The following USP37 variants were observed in gnomAD, a reference collection of about 807,000 sequenced individuals.
USP37 encodes ubiquitin specific peptidase 37.
In USP37, 27 loss-of-function variants were observed where a neutral mutation model predicts 124.0. The ratio of observed to expected loss-of-function variants is 0.22; its 90% CI spans 0.16 to 0.30. The LOEUF is 0.30. USP37 is among the 10% of genes least tolerant of loss of function. The pLI is 1.00. For synonymous variants in USP37, 365 were observed against 388.0 expected (o/e 0.94, Z 0.70); for missense variants, 889 against 1,140.4 (o/e 0.78, Z 3.17).
intron 10 of USP37, chr2:218,528,842 G>C (rs1469541613): frequency 9.5e-5 from 8 of 84,536 alleles, no homozygotes; most frequent in Non-Finnish European, 1.4e-4. Flanking sequence ...AAAAAAAAAA[G>C]AGCTTATCTA....
At chr2:218,542,190 T>C (rs1692015156) in intron 8 of USP37, among the ~76,000 whole-genome samples, 2 of 152,202 alleles carry the variant, frequency 1.3e-5, no homozygotes, top group Admixed American at 1.3e-4. Context: ...ATTTGTCTCC[T>C]CTATAAGCAC....
chr2:218,555,806 C>T (rs954358264), intron 4 of USP37, among the ~76,000 whole-genome samples: 1 of 152,144 alleles, frequency 6.6e-6, no homozygotes, highest in African/African-American at 2.4e-5. Context: ...CCTCACACCC[C>T]AATTCTTCCC....
chr2:218,495,523 G>T (rs1689038232), intron 14 of USP37, among the ~76,000 whole-genome samples: 1 of 152,150 alleles, frequency 6.6e-6, no homozygotes, highest in Admixed American at 6.6e-5. Context: ...ACGTAGAAAG[G>T]AAGATGAGAT....
chr2:218,467,266 T>C (rs1023090753), intron 20 of USP37, among the ~76,000 whole-genome samples: 3 of 142,254 alleles, frequency 2.1e-5, no homozygotes, highest in African/African-American at 7.8e-5. Flanking sequence ...CGCCTCAGAC[T>C]CCTGAGTAGC....
At chr2:218,465,901 A>T (rs1690290127) in intron 21 of USP37, 109 bp downstream of exon 21, 1 of 1,369,696 alleles carries the variant, frequency 7.3e-7, no homozygotes. Context: ...TATGTAAATC[A>T]TCTGGAACAA....
At chr2:218,529,014 GGA>G (rs1691147760) in intron 10 of USP37, among the ~76,000 whole-genome samples, 1 of 152,060 alleles carries the variant, frequency 6.6e-6, no homozygotes, top group Non-Finnish European at 1.5e-5. Context: ...ATGCTTCAGA[GGA>G]GAGATCTTAG....
chr2:218,465,562 C>T (rs998572141), intron 21 of USP37, among the ~76,000 whole-genome samples: 6 of 152,052 alleles, frequency 3.9e-5, no homozygotes, highest in Non-Finnish European at 5.9e-5. Context: ...TTTGGATTGT[C>T]AAAAAAAGAA....
At chr2:218,476,196 C>T (rs1690965332) in intron 19 of USP37, among the ~76,000 whole-genome samples, 1 of 151,982 alleles carries the variant, frequency 6.6e-6, no homozygotes, top group African/African-American at 2.4e-5. Flanking sequence ...TATATTAATC[C>T]AATTAATAAA....
intron 11 of USP37, among the ~76,000 whole-genome samples, chr2:218,501,666 A>G (rs1440588233): frequency 6.6e-6 from 1 of 152,222 alleles, no homozygotes; most frequent in Non-Finnish European, 1.5e-5. Flanking sequence ...GCACCCAAAC[A>G]GAGCCTAGAA....
At chr2:218,474,503 G>T in intron 20 of USP37, 127 bp downstream of exon 20, 1 of 1,352,818 alleles carries the variant, frequency 7.4e-7, no homozygotes, top group Non-Finnish European at 1.0e-6. Flanking sequence ...CTGGGATTAG[G>T]GTCACACACC....
chr2:218,561,652 GA>G (rs34361610), intron 2 of USP37, among the ~76,000 whole-genome samples: 92,252 of 135,512 alleles, frequency 0.68, 30,038 homozygotes, highest in East Asian at 0.89. Context: ...CTCTGTCTCA[GA>G]AAAAAAAAAA....
At chr2:218,559,663 T>C (rs1693211580) in intron 3 of USP37, among the ~76,000 whole-genome samples, 1 of 152,206 alleles carries the variant, frequency 6.6e-6, no homozygotes, top group Non-Finnish European at 1.5e-5. Context: ...GAACTTTTAA[T>C]ACTCAAAAAT....
chr2:218,562,898 T>G (rs1693381939), intron 1 of USP37, 85 bp from the exon 2 acceptor site: 2 of 390,434 alleles, frequency 5.1e-6, no homozygotes, highest in Non-Finnish European at 9.0e-6. Context: ...GCACGGTGGC[T>G]GACGCGAGTA....
chr2:218,464,050 G>T (rs1690178372), intron 21 of USP37, among the ~76,000 whole-genome samples: 1 of 151,364 alleles, frequency 6.6e-6, no homozygotes, highest in Non-Finnish European at 1.5e-5. Context: ...GTAGAGATGG[G>T]GTTTCACCAT....
At chr2:218,507,229 G>A (rs920952503) in intron 11 of USP37, among the ~76,000 whole-genome samples, 4 of 151,472 alleles carry the variant, frequency 2.6e-5, no homozygotes, top group Admixed American at 1.3e-4. Context: ...GTGCAATCTC[G>A]GCTCACTGCA....
At chr2:218,488,192 A>AG (rs1691689314) in intron 15 of USP37, 112 bp downstream of exon 15, 2 of 643,440 alleles carry the variant, frequency 3.1e-6, no homozygotes. Context: ...AAAAAAAAAA[A>AG]AAAAAGAAAA....
chr2:218,567,905 G>A (rs1357933774), intron 1 of USP37, among the ~76,000 whole-genome samples: 1 of 152,178 alleles, frequency 6.6e-6, no homozygotes, highest in African/African-American at 2.4e-5. Flanking sequence ...GAAGGTAAGA[G>A]GCGAACGACA....
intron 9 of USP37, among the ~76,000 whole-genome samples, chr2:218,530,884 G>T (rs576221222): frequency 2.4e-4 from 36 of 152,170 alleles, no homozygotes; most frequent in African/African-American, 8.7e-4. Context: ...CCTAATCCAG[G>T]GTAAAGGTCT....
intron 10 of USP37, among the ~76,000 whole-genome samples, chr2:218,516,812 T>C (rs1690312648): frequency 6.6e-6 from 1 of 152,234 alleles, no homozygotes; most frequent in Admixed American, 6.5e-5. Context: ...GAAATGTATG[T>C]ACGTGTGTAA....
Sources: allele counts gnomAD v4.1 joint callset (sites outside exome capture counted in the v4.1 genomes callset), GRCh38; gene constraint gnomAD v4.1.1; transcripts MANE v1.5; gene names NCBI Gene and HGNC (gene_info 2026-07-23, HGNC 2026-07-21).